IL1A: variants seen among roughly 807,000 people sequenced by gnomAD.
IL1A encodes the protein interleukin-1 alpha.
Under a neutral mutation model 22.2 loss-of-function variants are expected in IL1A, and 16 were observed. The ratio of observed to expected loss-of-function variants is 0.72; its 90% confidence interval spans 0.49 to 1.09. The LOEUF (loss-of-function observed/expected upper bound fraction) is 1.09, where lower values mean the gene tolerates loss of function less well. IL1A is among the 50% of genes least tolerant of loss of function. The probability of loss-of-function intolerance (pLI) is 0.00; values close to 1 mark genes in which losing one functional copy is unlikely to be tolerated. For missense variants in IL1A, 317 were observed against 321.8 expected (o/e 0.99, Z 0.11); for synonymous variants, 113 against 118.5 (o/e 0.95, Z 0.30).
chr2:112,777,515 T>G (rs1488152765), intron 6 of IL1A, among the ~76,000 whole-genome samples: 1 of 152,162 alleles, frequency 6.6e-6, no homozygotes, highest in African/African-American at 2.4e-5. Context: ...AATGCTGACA[T>G]CAATGCAGAG....
chr2:112,778,420 A>G (rs1681139208), intron 5 of IL1A, among the ~76,000 whole-genome samples: 1 of 152,218 alleles, frequency 6.6e-6, no homozygotes, highest in Non-Finnish European at 1.5e-5. Flanking sequence ...TAATTTCATT[A>G]GTGGGATAAG....
chr2:112,783,863 C>T, intron 1 of IL1A, 85 bp from the exon 2 acceptor site: 1 of 1,205,976 alleles, frequency 8.3e-7, no homozygotes, highest in Non-Finnish European at 1.2e-6. Flanking sequence ...CTTTGTGCTT[C>T]CTGAAAACTT....
chr2:112,777,818 G>T (rs2071376), intron 6 of IL1A, among the ~76,000 whole-genome samples, 169 bp downstream of exon 6: 105,363 of 152,154 alleles, frequency 0.69, 37,270 homozygotes, highest in Middle Eastern at 0.79. Context: ...TTCTCATAGA[G>T]CCTGCCTAGG....
chr2:112,775,732 T>G (rs1681090790), intron 6 of IL1A, among the ~76,000 whole-genome samples: 1 of 152,080 alleles, frequency 6.6e-6, no homozygotes, highest in Non-Finnish European at 1.5e-5. Flanking sequence ...AGTATTTAAG[T>G]CAACAATTGA....
At chr2:112,782,068 ATGT>A (rs1408927511) in intron 3 of IL1A, among the ~76,000 whole-genome samples, 1 of 152,198 alleles carries the variant, frequency 6.6e-6, no homozygotes, top group Non-Finnish European at 1.5e-5. Context: ...CAAAAATGAG[ATGT>A]TGTAACTAAA....
intron 6 of IL1A, among the ~76,000 whole-genome samples, chr2:112,775,854 A>G (rs1681093798): frequency 6.6e-6 from 1 of 152,222 alleles, no homozygotes; most frequent in Non-Finnish European, 1.5e-5. Flanking sequence ...TGTGAGTATG[A>G]GTAGAATTTA....
Position 112,783,790 on chromosome 2 carries a change from A to G in IL1A, c.-8-12T>C. 3.1e-6 allele frequency: 5 copies of G among 1,613,324 alleles called. No individual in the cohort carries two copies. Among genetic ancestry groups the G allele is most frequent in the Non-Finnish European group, 4.2e-6 (5 of 1,179,238 alleles). ...GGCCATCTTGACTTCTGCAACAGAG[A>G]ACACCAGCCACCATCAGCTCAGCCA... On this transcript the variant is annotated splice_polypyrimidine_tract_variant and intron_variant, in intron 1 of 6. Transcript: ENST00000263339.
At position 112,781,839 on chromosome 2, in the gene IL1A, A is replaced by G. The variant is rs745848253; in HGVS notation, c.97-13T>C. On this transcript the variant is annotated splice_polypyrimidine_tract_variant and intron_variant, in intron 3 of 6. Coordinates refer to ENST00000263339, the MANE Select transcript of IL1A (RefSeq NM_000575.5). ...GATAGAAGGATTTCTGTGAGGAAGGAAAACAGAAGCTGAGAGGCTGTTCAT... is the reference window on the plus strand; with the variant it reads ...GATAGAAGGATTTCTGTGAGGAAGGGAAACAGAAGCTGAGAGGCTGTTCAT... 36 of 1,583,414 alleles carry G rather than the reference A, an allele frequency of 2.3e-5. 1 individual carries two copies. The Admixed American group carries it at 6.0e-4, about 26-fold the overall frequency.
rs1681062378 is a variant in IL1A, at chr2:112,774,511, G to A, written c.*556C>T. 6.6e-6 allele frequency: 1 copy of A among 151,924 alleles called. No homozygotes were observed. The highest frequency in any genetic ancestry group is 1.5e-5 in the Non-Finnish European group (1 of 67,978). The allele number at this position is 151,924 out of a possible 1,614,324, so 9.4% of individuals were successfully genotyped here. ...TCATCTTGAGGCTCGGCTTCAAGAA[G>A]TATTTTACCAAAATGACCTCCCTGA... On this transcript the variant is annotated 3_prime_UTR_variant, in exon 7 of 7. Coordinates refer to ENST00000263339, the MANE Select transcript of IL1A (RefSeq NM_000575.5).
intron 1 of IL1A, 121 bp from the exon 2 acceptor site, chr2:112,783,899 G>A: frequency 1.2e-6 from 1 of 826,110 alleles, no homozygotes; most frequent in Non-Finnish European, 2.1e-6. Flanking sequence ...TCCACATTCA[G>A]CATTTTCTCC....
intron 6 of IL1A, 136 bp from the exon 7 acceptor site, chr2:112,775,403 C>A: frequency 1.6e-6 from 1 of 643,646 alleles, no homozygotes; most frequent in Non-Finnish European, 2.8e-6. Context: ...ATAGGCTCTT[C>A]ATTCATTTGT....
chr2:112,778,329 C>T (rs1448438370), intron 5 of IL1A, among the ~76,000 whole-genome samples: 2 of 152,024 alleles, frequency 1.3e-5, no homozygotes, highest in Non-Finnish European at 1.5e-5. Flanking sequence ...ACTCACTAGG[C>T]AGGTAAATAC....
Position 112,774,775 on chromosome 2 carries a change from T to C in IL1A, c.*292A>G, listed in dbSNP as rs1355278068. ...TGCCTTAATTTGCCCATCTGTAATA[T>C]GGGTAGAGTCTTTTTGGTAGCCATA... On this transcript the variant is annotated 3_prime_UTR_variant, in exon 7 of 7. Coordinates refer to ENST00000263339, the MANE Select transcript of IL1A (RefSeq NM_000575.5). 8.0e-6 allele frequency: 2 copies of C among 251,034 alleles called. No individual in the cohort carries two copies. Among genetic ancestry groups the C allele is most frequent in the Non-Finnish European group, 1.6e-5 (2 of 127,990 alleles). 15.6% of individuals were successfully genotyped at this position (251,034 alleles called of 1,614,324 possible).
At chr2:112,782,856 C>T (rs745527841) in intron 2 of IL1A, 92 bp from the exon 3 acceptor site, 78 of 863,608 alleles carry the variant, frequency 9.0e-5, no homozygotes, top group Non-Finnish European at 1.4e-4. Flanking sequence ...TTGTGGGTCA[C>T]ACACATACAC....
intron 2 of IL1A, among the ~76,000 whole-genome samples, chr2:112,783,330 A>G (rs748805624): frequency 7.2e-5 from 11 of 152,130 alleles, no homozygotes; most frequent in Non-Finnish European, 1.5e-4. Context: ...TGCATATGTG[A>G]GTTCACATGC....
chr2:112,775,806 TAA>T (rs1215834818), intron 6 of IL1A, among the ~76,000 whole-genome samples: 3 of 152,184 alleles, frequency 2.0e-5, no homozygotes, highest in Non-Finnish European at 4.4e-5. Flanking sequence ...AGTATATCAG[TAA>T]ACTCTTTCAA....
chr2:112,780,309 T>A (rs1264719836), intron 4 of IL1A, among the ~76,000 whole-genome samples: 1 of 152,244 alleles, frequency 6.6e-6, no homozygotes, highest in African/African-American at 2.4e-5. Context: ...TTTGTTCACA[T>A]GTAGGTATGT....
rs762239186 is a variant in IL1A, at chr2:112,774,838, A to T, written c.*229T>A. ...GGTCCTCCTAAAATTGTTATGAAGA[A>T]TAATAATTAAAATGATTGGTACTAT... On this transcript the variant is annotated 3_prime_UTR_variant, in exon 7 of 7. Transcript: ENST00000263339. The T allele has an allele frequency of 2.3e-6, 1 of 438,272 alleles. No individual in the cohort carries two copies. The highest frequency in any genetic ancestry group is 4.1e-6 in the Non-Finnish European group (1 of 241,040). The allele number at this position is 438,272 out of a possible 1,614,324, so 27.1% of individuals were successfully genotyped here.
intron 6 of IL1A, 118 bp downstream of exon 6, chr2:112,777,869 G>A: frequency 5.8e-6 from 6 of 1,032,462 alleles, no homozygotes; most frequent in Non-Finnish European, 8.6e-6. Context: ...GGCAGGTGGG[G>A]GCTGTGGTAG....
Sources: gnomAD v4.1 joint callset for allele counts (sites outside exome capture counted in the v4.1 genomes callset) on GRCh38, gnomAD v4.1.1 for gene constraint, MANE v1.5 for transcripts, NCBI Gene and HGNC (gene_info 2026-07-23, HGNC 2026-07-21) for gene names.